The following PLCE1 variants were observed in gnomAD, a reference collection of about 807,000 sequenced individuals.
PLCE1 encodes the protein phospholipase C epsilon 1.
PLCE1 carries 119 observed loss-of-function variants against 242.8 expected under a neutral mutation model. That is an observed-to-expected ratio of 0.49 (90% confidence interval 0.42 to 0.57). The LOEUF is 0.57. Among genes scored for constraint, PLCE1 ranks in the 20% least tolerant of loss-of-function variants. PLCE1 has a pLI of 0.00. For missense variants in PLCE1, 2,441 were observed against 2,788.8 expected, an observed-to-expected ratio of 0.88 and a Z score of 2.81; for synonymous variants, 945 against 1,017.4, an observed-to-expected ratio of 0.93 and a Z score of 1.35.
At chr10:94,079,505 G>A (rs1178935348) in intron 2 of PLCE1, among the ~76,000 whole-genome samples, 3 of 152,094 alleles carry the variant, frequency 2.0e-5, no homozygotes, top group Non-Finnish European at 2.9e-5. Flanking sequence ...TGTAGATGAC[G>A]TGTTGTTGGG....
intron 3 of PLCE1, among the ~76,000 whole-genome samples, chr10:94,133,002 TG>T (rs2135920048): frequency 6.8e-6 from 1 of 147,704 alleles, no homozygotes; most frequent in East Asian, 2.0e-4. Flanking sequence ...ATGAAGTAAA[TG>T]GTTAAAACGC....
At chr10:94,028,478 G>A (rs978285179) in intron 1 of PLCE1, among the ~76,000 whole-genome samples, 2 of 152,138 alleles carry the variant, frequency 1.3e-5, no homozygotes, top group African/African-American at 4.8e-5. Context: ...CAGCAGTCAT[G>A]TACTGTTCCT....
intron 2 of PLCE1, chr10:94,107,773 C>G (rs2045808836): frequency 6.6e-6 from 1 of 152,104 alleles, no homozygotes; most frequent in East Asian, 1.9e-4. Context: ...TCTGGGGGAG[C>G]AGAAGAGAGG....
intron 2 of PLCE1, among the ~76,000 whole-genome samples, chr10:94,040,755 C>T (rs990063159): frequency 6.6e-6 from 1 of 151,882 alleles, no homozygotes; most frequent in African/African-American, 2.4e-5. Context: ...TTGACTGAAC[C>T]CTCAGGTACA....
At chr10:94,089,740 A>G (rs2044989744) in intron 2 of PLCE1, among the ~76,000 whole-genome samples, 1 of 152,108 alleles carries the variant, frequency 6.6e-6, no homozygotes, top group Admixed American at 6.5e-5. Flanking sequence ...TGTGATGAAA[A>G]CGTCTCACTT....
intron 1 of PLCE1, among the ~76,000 whole-genome samples, chr10:94,016,365 T>C (rs1223615): frequency 0.52 from 79,612 of 151,848 alleles, 21,470 homozygotes; most frequent in East Asian, 0.75. Context: ...ATGAGCTATC[T>C]TGGGGATAAG....
Position 94,284,940 on chromosome 10 carries a change from C to A in PLCE1, c.5010C>A (p.Ile1670=). ...QIAPELSDLV[I]YCQAVKFPGL... is the part of the protein sequence containing the mutation. Reference sequence around the variant, plus strand: ...CACCAGAGCTTTCTGACCTTGTAATCTATTGTCAAGCAGTAAAATTTCCAG... The same window carrying A: ...CACCAGAGCTTTCTGACCTTGTAATATATTGTCAAGCAGTAAAATTTCCAG... Residue 1670 remains isoleucine (I), a synonymous_variant, in exon 22 of 33, where the codon ATC becomes ATA. Coordinates refer to ENST00000371380, the MANE Select transcript of PLCE1 (RefSeq NM_016341.4). The A allele has an allele frequency of 1.2e-6, 2 of 1,602,758 alleles. No homozygotes were observed. Among genetic ancestry groups the A allele is most frequent in the Non-Finnish European group, 1.7e-6 (2 of 1,169,848 alleles).
chr10:94,176,688 T>A (rs1313847483), intron 4 of PLCE1, among the ~76,000 whole-genome samples: 1 of 152,208 alleles, frequency 6.6e-6, no homozygotes, highest in Non-Finnish European at 1.5e-5. Context: ...ATGCATTTAC[T>A]CGTGCATCCA....
chr10:94,044,279 G>T (rs904546949), intron 2 of PLCE1, among the ~76,000 whole-genome samples: 37 of 152,138 alleles, frequency 2.4e-4, no homozygotes, highest in African/African-American at 8.7e-4. Flanking sequence ...GAATCACCTT[G>T]AAAGGTTGTC....
chr10:94,088,508 T>A (rs767854900), intron 2 of PLCE1, among the ~76,000 whole-genome samples: 3 of 152,246 alleles, frequency 2.0e-5, no homozygotes, highest in Admixed American at 6.5e-5. Context: ...CAATAGCAGT[T>A]GCCCATCAAT....
intron 2 of PLCE1, chr10:94,105,720 A>C (rs942175430): frequency 6.6e-6 from 1 of 152,222 alleles, no homozygotes; most frequent in African/African-American, 2.4e-5. Flanking sequence ...CCTACTAAAG[A>C]AATTAATCTC....
At chr10:94,034,473 C>G (rs559122031) in intron 2 of PLCE1, among the ~76,000 whole-genome samples, 1 of 152,288 alleles carries the variant, frequency 6.6e-6, no homozygotes, top group South Asian at 2.1e-4. Context: ...GGTTACTTAG[C>G]TAGTAAGTGA....
chr10:94,212,990 AC>A (rs2049393479), intron 4 of PLCE1, among the ~76,000 whole-genome samples: 1 of 152,230 alleles, frequency 6.6e-6, no homozygotes, highest in Admixed American at 6.5e-5. Context: ...CAAATTAAGT[AC>A]TAAGTGCAGC....
At chr10:94,279,634 A>C in intron 19 of PLCE1, 148 bp from the exon 20 acceptor site, 1 of 775,814 alleles carries the variant, frequency 1.3e-6, no homozygotes, top group Non-Finnish European at 2.2e-6. Context: ...ATTTCGAGGG[A>C]ATCTAGATTT....
At position 94,328,586 on chromosome 10, in the gene PLCE1, GA is replaced by G. The variant is rs1223832388; in HGVS notation, c.*647del. The G allele has an allele frequency of 6.6e-6, 1 of 152,202 alleles. No homozygotes were observed. The highest frequency in any genetic ancestry group is 1.5e-5 in the Non-Finnish European group (1 of 68,068). 9.4% of individuals were successfully genotyped at this position (152,202 alleles called of 1,614,324 possible). ...CTGGGAACAAGGAGCACAAAGATCT[GA>G]AAACAGGAAAGGAAGTTTAGCCATA... On this transcript the variant is annotated 3_prime_UTR_variant, in exon 33 of 33. Coordinates refer to ENST00000371380, the MANE Select transcript of PLCE1 (RefSeq NM_016341.4).
At chr10:94,051,559 A>G (rs2043767861) in intron 2 of PLCE1, among the ~76,000 whole-genome samples, 1 of 152,188 alleles carries the variant, frequency 6.6e-6, no homozygotes, top group Admixed American at 6.6e-5. Context: ...CTAGCCGGAA[A>G]TTTCTGATTA....
intron 2 of PLCE1, chr10:94,109,311 C>T (rs1458553101): frequency 6.6e-6 from 1 of 152,100 alleles, no homozygotes; most frequent in Non-Finnish European, 1.5e-5. Flanking sequence ...CAATAAATAG[C>T]TGTTAAGATG....
At chr10:94,172,311 A>G (rs1752485568) in intron 4 of PLCE1, among the ~76,000 whole-genome samples, 1 of 152,070 alleles carries the variant, frequency 6.6e-6, no homozygotes, top group Admixed American at 6.5e-5. Context: ...CCACACCCAG[A>G]GTTTTCTATT....
intron 30 of PLCE1, among the ~76,000 whole-genome samples, chr10:94,324,053 T>C (rs2053922237): frequency 6.6e-6 from 1 of 152,212 alleles, no homozygotes; most frequent in African/African-American, 2.4e-5. Flanking sequence ...TTGTTACTAT[T>C]ATAGCTGTAT....
Sources: allele counts gnomAD v4.1 joint callset (sites outside exome capture counted in the v4.1 genomes callset), GRCh38; gene constraint gnomAD v4.1.1; transcripts MANE v1.5; gene names NCBI Gene and HGNC (gene_info 2026-07-23, HGNC 2026-07-21).